CA8: variants seen among roughly 807,000 people sequenced by gnomAD.
CA8 encodes carbonic anhydrase-related protein.
Under a neutral mutation model 41.4 loss-of-function variants are expected in CA8, and 22 were observed. The ratio of observed to expected loss-of-function variants is 0.53; its 90% CI spans 0.38 to 0.76. CA8 has a LOEUF of 0.76. Among genes scored for constraint, CA8 ranks in the 30% least tolerant of loss-of-function variants. CA8 has a pLI of 0.00. For synonymous variants in CA8, 121 were observed against 130.6 expected, an observed-to-expected ratio of 0.93 and a Z score of 0.50; for missense variants, 270 against 352.8, an observed-to-expected ratio of 0.77 and a Z score of 1.88.
chr8:60,280,005 C>CTA (rs1342511592), intron 1 of CA8, 125 bp from the exon 2 acceptor site: 2 of 690,810 alleles, frequency 2.9e-6, no homozygotes, highest in Non-Finnish European at 4.7e-6. Flanking sequence ...CATCACTATA[C>CTA]AGATGAAATA....
chr8:60,214,794 A>T (rs1806958070), intron 7 of CA8, among the ~76,000 whole-genome samples: 1 of 152,252 alleles, frequency 6.6e-6, no homozygotes, highest in Non-Finnish European at 1.5e-5. Context: ...GAGGAAAGAC[A>T]GAAGAAAAGA....
At chr8:60,209,851 C>G (rs562108934) in intron 7 of CA8, among the ~76,000 whole-genome samples, 1 of 152,300 alleles carries the variant, frequency 6.6e-6, no homozygotes, top group South Asian at 2.1e-4. Flanking sequence ...AAAAGGTTCT[C>G]AGAGTCCTCA....
intron 3 of CA8, among the ~76,000 whole-genome samples, chr8:60,241,652 TTA>T (rs1808032858): frequency 6.6e-6 from 1 of 152,204 alleles, no homozygotes; most frequent in Admixed American, 6.5e-5. Flanking sequence ...TACATCATTT[TTA>T]TGTTTTATAT....
chr8:60,272,609 C>T (rs1415212682), intron 2 of CA8, among the ~76,000 whole-genome samples: 1 of 152,176 alleles, frequency 6.6e-6, no homozygotes, highest in Non-Finnish European at 1.5e-5. Flanking sequence ...ACACCTCAGG[C>T]TCCCCATATC....
At chr8:60,273,584 G>A (rs1001151073) in intron 2 of CA8, among the ~76,000 whole-genome samples, 1 of 152,224 alleles carries the variant, frequency 6.6e-6, no homozygotes, top group African/African-American at 2.4e-5. Flanking sequence ...GGTTCAGAAG[G>A]AAACCTTAAG....
At chr8:60,276,542 G>A (rs967089115) in intron 2 of CA8, among the ~76,000 whole-genome samples, 1 of 152,004 alleles carries the variant, frequency 6.6e-6, no homozygotes, top group Non-Finnish European at 1.5e-5. Context: ...AATCTCAGCT[G>A]GAAACAACAG....
chr8:60,213,135 T>G (rs1341878960), intron 7 of CA8, among the ~76,000 whole-genome samples: 1 of 152,200 alleles, frequency 6.6e-6, no homozygotes, highest in Non-Finnish European at 1.5e-5. Context: ...TGCTCCCTCT[T>G]CCTTACCAAC....
rs1805955415 is a variant in CA8, at chr8:60,186,097, C to A, written c.*3924G>T. Among the ~76,000 whole-genome samples, 1 of 151,872 alleles carries A rather than the reference C, an allele frequency of 6.6e-6. No homozygotes were observed. The highest frequency in any genetic ancestry group is 1.5e-5 in the Non-Finnish European group (1 of 67,892). On this transcript the variant is annotated 3_prime_UTR_variant, in exon 9 of 9. Transcript: ENST00000317995. ...AATTTACAAGACAAAATGAACATAA[C>A]CAGAAATGGTAAATTAAAAGCTTAC...
chr8:60,239,700 G>T (rs1381880493), intron 3 of CA8, among the ~76,000 whole-genome samples: 2 of 152,106 alleles, frequency 1.3e-5, no homozygotes, highest in African/African-American at 2.4e-5. Context: ...ATCTTGAATT[G>T]TAGCTCCCAT....
At chr8:60,208,975 T>C in intron 7 of CA8, 56 bp from the exon 8 acceptor site, 1 of 1,561,158 alleles carries the variant, frequency 6.4e-7, no homozygotes, top group Non-Finnish European at 8.8e-7. Context: ...TTAACAAGAT[T>C]GGAGTTTCAT....
intron 2 of CA8, among the ~76,000 whole-genome samples, chr8:60,268,934 C>G (rs1193253006): frequency 6.6e-6 from 1 of 152,140 alleles, no homozygotes; most frequent in Non-Finnish European, 1.5e-5. Flanking sequence ...TTTGCCCCAG[C>G]CTGGTTCTCC....
At chr8:60,247,416 C>A (rs1252890223) in intron 3 of CA8, among the ~76,000 whole-genome samples, 1 of 152,120 alleles carries the variant, frequency 6.6e-6, no homozygotes, top group Non-Finnish European at 1.5e-5. Context: ...TCCGCTCCAC[C>A]CCCAACAGGC....
rs1169633961 is a variant in CA8, at chr8:60,279,760, T to A, written c.221A>T (p.Tyr74Phe). ...SLLDVRLSPN[Y>F]VVCRDCEVTN... ...GACTTCACAGTCTCGGCACACCACA[T>A]AATTTGGGGAGAGGCGGACATCCAA... The change falls in exon 2 of 9, where the codon TAT (tyrosine) becomes TTT (phenylalanine). Residue 74 changes from tyrosine (Y) to phenylalanine (F), a missense_variant. By Grantham distance (22) the Tyr-to-Phe change is conservative. Transcript: ENST00000317995. 12 of 1,614,036 alleles carry A rather than the reference T, an allele frequency of 7.4e-6. No homozygotes were observed. Among genetic ancestry groups the A allele is most frequent in the Non-Finnish European group, 9.3e-6 (11 of 1,180,030 alleles).
At chr8:60,196,286 C>A (rs562976134) in intron 8 of CA8, among the ~76,000 whole-genome samples, 1 of 152,078 alleles carries the variant, frequency 6.6e-6, no homozygotes, top group Non-Finnish European at 1.5e-5. Context: ...TAATGCTAAT[C>A]CTCCACAAAG....
At chr8:60,265,121 C>G (rs1803857590) in intron 3 of CA8, 1 of 152,172 alleles carries the variant, frequency 6.6e-6, no homozygotes, top group African/African-American at 2.4e-5. Context: ...AATCCAACAT[C>G]CCCTCACTTT....
chr8:60,251,041 A>T (rs1365890046), intron 3 of CA8, among the ~76,000 whole-genome samples: 17 of 152,238 alleles, frequency 1.1e-4, no homozygotes, highest in Non-Finnish European at 1.9e-4. Flanking sequence ...TTAAATTACT[A>T]CAAAATGCTA....
In CA8 at chr8:60,188,142, T is replaced by C. The variant is rs1225950287; in HGVS notation, c.*1879A>G. 1 of 152,072 alleles carries C rather than the reference T, an allele frequency of 6.6e-6. No homozygotes were observed. The highest frequency in any genetic ancestry group is 2.4e-5 in the African/African-American group (1 of 41,370). 9.4% of individuals were successfully genotyped at this position (152,072 alleles called of 1,614,324 possible). On this transcript the variant is annotated 3_prime_UTR_variant, in exon 9 of 9. Transcript: ENST00000317995. ...TTTTACTCAGAAAATATACAGTAAA[T>C]AAATTCAAATTGCTTCAATATACAG...
intron 2 of CA8, among the ~76,000 whole-genome samples, chr8:60,268,748 A>T (rs1049513388): frequency 1.3e-5 from 2 of 152,202 alleles, no homozygotes; most frequent in African/African-American, 2.4e-5. Context: ...GGCCTTGTAG[A>T]TCTTACATTC....
rs772146156 is a variant in CA8 at position 60,186,012 on chromosome 8, A to C, written c.*4009T>G. 6.6e-5 allele frequency among the ~76,000 whole-genome samples: 10 copies of C among 152,142 alleles called. No individual in the cohort carries two copies. Among genetic ancestry groups the C allele is most frequent in the Non-Finnish European group, 1.3e-4 (9 of 67,974 alleles). On this transcript the variant is annotated 3_prime_UTR_variant, in exon 9 of 9. Transcript: ENST00000317995. Reference sequence around the variant, plus strand: ...TGACATATTTGACAATGACAACACAAAGGAGGTAAATAAGAACAAAGTAGT... The same window carrying C: ...TGACATATTTGACAATGACAACACACAGGAGGTAAATAAGAACAAAGTAGT...
Sources: allele counts gnomAD v4.1 joint callset (sites outside exome capture counted in the v4.1 genomes callset), GRCh38; gene constraint gnomAD v4.1.1; transcripts MANE v1.5; gene names NCBI Gene and HGNC (gene_info 2026-07-23, HGNC 2026-07-21).